Variants in TENM2 observed in about 807,000 individuals in gnomAD.
TENM2 encodes the protein teneurin transmembrane protein 2.
A neutral mutation model predicts 245.2 loss-of-function variants in TENM2; 52 were observed. The ratio of observed to expected loss-of-function variants is 0.21; its 90% CI spans 0.17 to 0.27. The LOEUF is 0.27. Ranked by LOEUF, TENM2 falls within the 10% of genes least tolerant of loss-of-function variation. TENM2 has a pLI of 1.00. For synonymous variants in TENM2, 1,363 were observed against 1,438.9 expected (o/e 0.95, Z 1.19); for missense variants, 3,046 against 3,666.8 (o/e 0.83, Z 4.37).
intron 2 of TENM2, among the ~76,000 whole-genome samples, chr5:167,556,430 A>ATATG (rs1479092417): frequency 1.3e-5 from 2 of 150,104 alleles, no homozygotes; most frequent in Non-Finnish European, 3.0e-5. Context: ...ACATATATAT[A>ATATG]TATATATATG....
At chr5:168,263,122 G>A (rs1431666236), downstream of TENM2, 1 of 284,148 alleles carries the variant, frequency 3.5e-6, no homozygotes, top group Non-Finnish European at 6.6e-6. Flanking sequence ...GCAGAAAAGA[G>A]ACGCAAAGTG....
At chr5:167,300,880 C>T (rs920332580) in intron 1 of TENM2, among the ~76,000 whole-genome samples, 1 of 151,924 alleles carries the variant, frequency 6.6e-6, no homozygotes, top group African/African-American at 2.4e-5. Flanking sequence ...GGGAACTGGG[C>T]AGGTGGAGAT....
intron 1 of TENM2, among the ~76,000 whole-genome samples, chr5:167,308,275 A>G (rs530391086): frequency 5.9e-5 from 9 of 152,322 alleles, no homozygotes; most frequent in Non-Finnish European, 1.3e-4. Flanking sequence ...GAGCCATGCA[A>G]CATGGGACAA....
At chr5:167,802,811 C>T (rs1229511753) in intron 2 of TENM2, among the ~76,000 whole-genome samples, 1 of 152,106 alleles carries the variant, frequency 6.6e-6, no homozygotes, top group Non-Finnish European at 1.5e-5. Flanking sequence ...AGTGTAGGTG[C>T]ATTGTAGTGC....
chr5:167,083,996 C>T, the TENM2 span, among the ~76,000 whole-genome samples: 521 of 152,058 alleles, frequency 3.4e-3, 4 homozygotes, highest in Non-Finnish European at 5.0e-3. Context: ...CTAGAGCCTC[C>T]TTGTTATATA....
At chr5:167,509,587 G>A (rs1488885193) in intron 2 of TENM2, among the ~76,000 whole-genome samples, 2 of 152,066 alleles carry the variant, frequency 1.3e-5, no homozygotes, top group Non-Finnish European at 2.9e-5. Flanking sequence ...GACACACTCA[G>A]GAATCTAATA....
chr5:167,939,203 G>A (rs1245622871), intron 3 of TENM2, among the ~76,000 whole-genome samples: 1 of 152,304 alleles, frequency 6.6e-6, no homozygotes, highest in East Asian at 1.9e-4. Context: ...ACGGAAGAGG[G>A]GGATGGTTTC....
At chr5:167,888,543 G>A (rs1016967621) in intron 3 of TENM2, among the ~76,000 whole-genome samples, 1 of 152,234 alleles carries the variant, frequency 6.6e-6, no homozygotes, top group African/African-American at 2.4e-5. Flanking sequence ...AGGAGAGACA[G>A]AGAATGAAGA....
chr5:167,478,091 C>G (rs1020221632), intron 2 of TENM2, among the ~76,000 whole-genome samples: 1 of 152,232 alleles, frequency 6.6e-6, no homozygotes, highest in Admixed American at 6.5e-5. Context: ...CTGGGAAGAG[C>G]GAAACACCAG....
At chr5:168,152,613 A>G (rs1010957515) in intron 12 of TENM2, among the ~76,000 whole-genome samples, 3 of 152,188 alleles carry the variant, frequency 2.0e-5, no homozygotes, top group African/African-American at 7.2e-5. Context: ...TACCACATTC[A>G]TTATTTGCTG....
chr5:167,487,699 A>G (rs1358464456), intron 2 of TENM2, among the ~76,000 whole-genome samples: 1 of 152,172 alleles, frequency 6.6e-6, no homozygotes, highest in Non-Finnish European at 1.5e-5. Flanking sequence ...CTGGTTAAGT[A>G]TCAAATAAAG....
At chr5:167,993,239 C>G (rs980645349) in intron 5 of TENM2, 57 bp downstream of exon 7, 6 of 1,427,316 alleles carry the variant, frequency 4.2e-6, no homozygotes, top group South Asian at 3.6e-5. Flanking sequence ...AGGGGAGAGG[C>G]CATGGACTTG....
chr5:168,165,648 A>ACCCC (rs34203413), intron 13 of TENM2, among the ~76,000 whole-genome samples: 20 of 30,946 alleles, frequency 6.5e-4, no homozygotes, highest in South Asian at 1.1e-3. Context: ...CCCCCCCCCA[A>ACCCC]CCCCCCCCCC....
intron 2 of TENM2, among the ~76,000 whole-genome samples, chr5:167,694,795 C>T (rs976147801): frequency 2.0e-5 from 3 of 151,932 alleles, no homozygotes; most frequent in Non-Finnish European, 2.9e-5. Context: ...GAAACTGGAC[C>T]GTGTAATCAC....
chr5:167,327,351 A>G (rs1041741470), intron 1 of TENM2, among the ~76,000 whole-genome samples: 4 of 152,234 alleles, frequency 2.6e-5, no homozygotes, highest in African/African-American at 7.2e-5. Flanking sequence ...TGCCTGGCAC[A>G]TATCAGAAAG....
At chr5:167,711,865 C>T (rs141116552) in intron 2 of TENM2, among the ~76,000 whole-genome samples, 7 of 152,292 alleles carry the variant, frequency 4.6e-5, no homozygotes, top group African/African-American at 7.2e-5. Flanking sequence ...GAGTAACACT[C>T]TTATTTCAGA....
intron 2 of TENM2, among the ~76,000 whole-genome samples, chr5:167,510,386 A>G (rs1017901911): frequency 1.3e-5 from 2 of 152,164 alleles, no homozygotes; most frequent in Non-Finnish European, 2.9e-5. Context: ...GTGAATTTCC[A>G]AGTTATACTG....
the TENM2 span, among the ~76,000 whole-genome samples, chr5:167,071,226 AG>A: frequency 6.6e-6 from 1 of 152,198 alleles, no homozygotes; most frequent in African/African-American, 2.4e-5. Context: ...AATTTTATTT[AG>A]TAATAAAATT....
At chr5:167,325,928 G>C (rs1757048237) in intron 1 of TENM2, among the ~76,000 whole-genome samples, 1 of 152,094 alleles carries the variant, frequency 6.6e-6, no homozygotes, top group Admixed American at 6.6e-5. Flanking sequence ...AAAATAAATG[G>C]AGCAATGGCA....
Sources: allele counts gnomAD v4.1 joint callset (sites outside exome capture counted in the v4.1 genomes callset), GRCh38; gene constraint gnomAD v4.1.1; transcripts MANE v1.5; gene names NCBI Gene and HGNC (gene_info 2026-07-23, HGNC 2026-07-21).